GATAD2B: variants seen among roughly 807,000 people sequenced by gnomAD.
The protein encoded by GATAD2B is GATA zinc finger domain containing 2B.
GATAD2B carries 8 observed loss-of-function variants against 64.3 expected under a neutral mutation model. The ratio of observed to expected loss-of-function variants is 0.12; its 90% CI spans 0.07 to 0.22. The LOEUF (loss-of-function observed/expected upper bound fraction) is 0.22, where lower values mean the gene tolerates loss of function less well. GATAD2B is among the 10% of genes least tolerant of loss of function. The probability of loss-of-function intolerance (pLI) is 1.00; values close to 1 mark genes in which losing one functional copy is unlikely to be tolerated. For missense variants in GATAD2B, 453 were observed against 752.0 expected, an observed-to-expected ratio of 0.60 and a Z score of 4.65; for synonymous variants, 281 against 271.3, an observed-to-expected ratio of 1.04 and a Z score of -0.35.
At chr1:153,848,970 C>G (rs915946777) in intron 1 of GATAD2B, among the ~76,000 whole-genome samples, 1 of 128,198 alleles carries the variant, frequency 7.8e-6, no homozygotes, top group Admixed American at 9.4e-5. Context: ...AAAAAACAAA[C>G]AAACCCCCCC....
At chr1:153,837,667 C>T (rs981643391) in intron 1 of GATAD2B, among the ~76,000 whole-genome samples, 5 of 151,972 alleles carry the variant, frequency 3.3e-5, no homozygotes, top group Admixed American at 1.3e-4. Context: ...TTAGGGTGAT[C>T]GGAAATGTTC....
chr1:153,812,191 T>A (rs1249240395), intron 8 of GATAD2B, 59 bp from the exon 9 acceptor site: 3 of 37,414 alleles, frequency 8.0e-5, no homozygotes, highest in African/African-American at 9.5e-4. Flanking sequence ...CCCAATTTCC[T>A]TTTTTTTTTT....
intron 1 of GATAD2B, among the ~76,000 whole-genome samples, chr1:153,842,539 CATTAAT>C (rs1032619090): frequency 2.4e-5 from 3 of 123,032 alleles, no homozygotes; most frequent in African/African-American, 8.0e-5. Context: ...TACATGTAAT[CATTAAT>C]AATATATAGC....
chr1:153,897,839 C>T (rs973206117), intron 1 of GATAD2B, among the ~76,000 whole-genome samples: 17 of 152,072 alleles, frequency 1.1e-4, no homozygotes, highest in Non-Finnish European at 2.5e-4. Context: ...ATATATGTTT[C>T]TATATTCAAA....
intron 1 of GATAD2B, among the ~76,000 whole-genome samples, chr1:153,922,208 C>G (rs1472827277): frequency 1.3e-5 from 2 of 151,648 alleles, no homozygotes; most frequent in African/African-American, 2.4e-5. Context: ...ATTCCCCATT[C>G]GTCCCATCCG....
intron 1 of GATAD2B, among the ~76,000 whole-genome samples, chr1:153,865,475 T>TA (rs543969339): frequency 2.6e-4 from 40 of 151,382 alleles, no homozygotes; most frequent in Non-Finnish European, 4.7e-4. Flanking sequence ...ACAAATAATT[T>TA]AAAAAAAAAT....
At chr1:153,846,433 T>C (rs1214090669) in intron 1 of GATAD2B, among the ~76,000 whole-genome samples, 1 of 152,040 alleles carries the variant, frequency 6.6e-6, no homozygotes, top group Non-Finnish European at 1.5e-5. Flanking sequence ...AGATGGGGTT[T>C]CACCATATTG....
chr1:153,906,345 G>T (rs1677938152), intron 1 of GATAD2B, among the ~76,000 whole-genome samples: 1 of 152,038 alleles, frequency 6.6e-6, no homozygotes, highest in African/African-American at 2.4e-5. Flanking sequence ...CTTGAATCTG[G>T]GAGGCAGAGG....
At position 153,816,292 on chromosome 1, in the gene GATAD2B, C is replaced by A. The variant is rs752287979; in HGVS notation, c.1197G>T (p.Gln399His). ...CCTTACCTTGGCTGTCAATGACACT[C>A]TGTACGACTTCTTCCAAGCCTACCA... ...IYMVGLEEVVQSVIDSQGKSC... is the reference protein window; with the variant it reads ...IYMVGLEEVVHSVIDSQGKSC... The change falls in exon 7 of 11, where the codon CAG (glutamine) becomes CAT (histidine). Residue 399 changes from glutamine to histidine, a missense_variant. Physicochemically the swap from Gln to His is conservative, Grantham distance 24. Transcript: ENST00000368655. The surrounding 1 kb of genome is among the most constrained non-coding windows in gnomAD (Gnocchi z 4.9). 6.2e-7 allele frequency: 1 copy of A among 1,612,520 alleles called. No individual in the cohort carries two copies. Among genetic ancestry groups the A allele is most frequent in the Non-Finnish European group, 8.5e-7 (1 of 1,178,568 alleles).
intron 1 of GATAD2B, among the ~76,000 whole-genome samples, chr1:153,906,347 A>G (rs558831264): frequency 0.013 from 1,918 of 152,258 alleles, 27 homozygotes; most frequent in Non-Finnish European, 0.021. Context: ...TGAATCTGGG[A>G]GGCAGAGGTT....
intron 2 of GATAD2B, among the ~76,000 whole-genome samples, chr1:153,823,882 A>G (rs1674773583): frequency 6.6e-6 from 1 of 151,964 alleles, no homozygotes; most frequent in Non-Finnish European, 1.5e-5. Flanking sequence ...GGCACCCGCC[A>G]CCACGCCTGG....
chr1:153,897,346 GT>G (rs1183666697), intron 1 of GATAD2B, among the ~76,000 whole-genome samples: 3 of 152,082 alleles, frequency 2.0e-5, no homozygotes, highest in Admixed American at 6.6e-5. Context: ...CAAAACACCT[GT>G]TTTTTAAAAA....
In GATAD2B at chr1:153,805,009, C is replaced by A. The variant is rs962955217; in HGVS notation, c.*5168G>T. 6.7e-6 allele frequency: 1 copy of A among 150,308 alleles called. No individual in the cohort carries two copies. Among genetic ancestry groups the A allele is most frequent in the African/African-American group, 2.5e-5 (1 of 40,672 alleles). 9.3% of individuals were successfully genotyped at this position (150,308 alleles called of 1,614,324 possible). On this transcript the variant is annotated 3_prime_UTR_variant, in exon 11 of 11. Transcript: ENST00000368655. The stretch of plus-strand genomic sequence containing the variant: ...CTTAAAGAGAGTTGTGCAAAAGGGT[C>A]TTGTTCCCCTCCCACCCACCCTATT...
At chr1:153,899,876 T>A (rs561454922) in intron 1 of GATAD2B, among the ~76,000 whole-genome samples, 1 of 152,232 alleles carries the variant, frequency 6.6e-6, no homozygotes, top group African/African-American at 2.4e-5. Flanking sequence ...GGGCATACCA[T>A]TTGGTTCATT....
intron 1 of GATAD2B, among the ~76,000 whole-genome samples, chr1:153,917,055 C>T (rs1371926054): frequency 6.6e-6 from 1 of 150,962 alleles, no homozygotes; most frequent in South Asian, 2.1e-4. Flanking sequence ...ATCTACCCCC[C>T]TCGGCCTCCC....
At chr1:153,841,073 C>T (rs1393665988) in intron 1 of GATAD2B, among the ~76,000 whole-genome samples, 3 of 146,070 alleles carry the variant, frequency 2.1e-5, no homozygotes, top group Non-Finnish European at 3.0e-5. Flanking sequence ...TGCAGTGAAC[C>T]GAGATCAGGC....
In GATAD2B at chr1:153,812,093, G is replaced by A. The variant is rs1230061825; in HGVS notation, c.1459C>T (p.Pro487Ser). ...QRLQQQAALS[P>S]TTAPAVSSVS... ...CTGGACACAGCTGGAGCCGTAGTGG[G>A]GGAGAGGGCTGCCTGCTGCTGTAAT... The change falls in exon 9 of 11, where the codon CCC becomes TCC. Residue 487 changes from proline to serine, a missense_variant. Pro to Ser is a moderately conservative substitution (Grantham distance 74). This residue lies in a region of GATAD2B where 160 missense variants were observed against 334.7 expected (regional missense o/e 0.48). Coordinates refer to ENST00000368655, the MANE Select transcript of GATAD2B (RefSeq NM_020699.4). 21 of 1,612,848 alleles carry A rather than the reference G, an allele frequency of 1.3e-5. No homozygotes were observed. Among genetic ancestry groups the A allele is most frequent in the Non-Finnish European group, 1.8e-5 (21 of 1,179,094 alleles).
chr1:153,852,811 A>G lies in GATAD2B; in HGVS notation c.-1-24463T>C. On this transcript the variant is annotated intron_variant, in intron 1 of 10. Transcript: ENST00000368655. ...CTTCTGAACCATATCATATCCTTCA[A>G]CTTTTTTTGCTTCTTTTTCTAGTTC... 3 of 896,428 alleles carry G rather than the reference A, an allele frequency of 3.3e-6. No homozygotes were observed. The South Asian group carries it at 4.1e-5, about 12-fold the overall frequency. The allele number at this position is 896,428 out of a possible 1,614,324, so 55.5% of individuals were successfully genotyped here.
At chr1:153,916,648 T>C (rs1433770436) in intron 1 of GATAD2B, among the ~76,000 whole-genome samples, 1 of 152,176 alleles carries the variant, frequency 6.6e-6, no homozygotes, top group Non-Finnish European at 1.5e-5. Flanking sequence ...CAAGTGTATT[T>C]TACCATTTTA....
Sources: gnomAD v4.1 joint callset for allele counts (sites outside exome capture counted in the v4.1 genomes callset) on GRCh38, gnomAD v4.1.1 for gene constraint, gnomAD v4.1.1 regional missense constraint, Gnocchi (gnomAD v3.1) non-coding constraint, MANE v1.5 for transcripts, NCBI Gene and HGNC (gene_info 2026-07-23, HGNC 2026-07-21) for gene names.